The following CEP128 variants were observed in gnomAD, a reference collection of about 807,000 sequenced individuals.
CEP128 encodes centrosomal protein 128.
In CEP128, 132 loss-of-function variants were observed where a neutral mutation model predicts 156.7. That is an observed-to-expected ratio of 0.84 (90% CI 0.73 to 0.97). The LOEUF (loss-of-function observed/expected upper bound fraction) is 0.97, where lower values mean the gene tolerates loss of function less well. Ranked by LOEUF, CEP128 falls within the 50% of genes least tolerant of loss-of-function variation. The probability of loss-of-function intolerance (pLI) is 0.00; values close to 1 mark genes in which losing one functional copy is unlikely to be tolerated. For missense variants in CEP128, 1,252 were observed against 1,281.9 expected (o/e 0.98, Z 0.36); for synonymous variants, 469 against 448.9 (o/e 1.04, Z -0.57).
intron 19 of CEP128, among the ~76,000 whole-genome samples, chr14:80,611,100 A>G (rs1172295768): frequency 6.6e-6 from 1 of 152,124 alleles, no homozygotes; most frequent in African/African-American, 2.4e-5. Context: ...TAAATCTTTT[A>G]AAGTATCATT....
intron 19 of CEP128, among the ~76,000 whole-genome samples, chr14:80,629,515 AT>A (rs563182372): frequency 0.016 from 2,446 of 149,116 alleles, 43 homozygotes; most frequent in African/African-American, 0.045. Context: ...CCAGTAATAT[AT>A]TTTTTTTTTC....
At chr14:80,519,774 C>T (rs1457520967) in intron 23 of CEP128, among the ~76,000 whole-genome samples, 3 of 152,132 alleles carry the variant, frequency 2.0e-5, no homozygotes, top group Non-Finnish European at 4.4e-5. Flanking sequence ...ACCCATCTTT[C>T]CATCTACTCA....
chr14:80,904,873 A>C lies in CEP128; in HGVS notation c.420T>G (p.Ile140Met). 1 of 1,612,790 alleles carries C rather than the reference A, an allele frequency of 6.2e-7. No individual in the cohort carries two copies. The highest frequency in any genetic ancestry group is 8.5e-7 in the Non-Finnish European group (1 of 1,178,778). Residue 140 changes from isoleucine (I) to methionine (M), a missense_variant, in exon 6 of 25, where the codon ATT (isoleucine) becomes ATG (methionine). Coordinates refer to ENST00000555265, the MANE Select transcript of CEP128 (RefSeq NM_152446.5). The stretch of plus-strand genomic sequence containing the variant: ...CACCAGTTCTTGATCTCATTCGTTT[A>C]ATACCCTGTGGATCCCCATAGTCCT... ...PLKDYGDPQGIKRMRSRTGVR... is the reference protein window; with the variant it reads ...PLKDYGDPQGMKRMRSRTGVR...
At chr14:80,614,274 C>T (rs932874386) in intron 19 of CEP128, among the ~76,000 whole-genome samples, 1 of 152,122 alleles carries the variant, frequency 6.6e-6, no homozygotes, top group African/African-American at 2.4e-5. Context: ...TACATAACTT[C>T]CATATTGTTG....
At position 80,751,121 on chromosome 14, in the gene CEP128, C is replaced by T. The variant is rs1282535448; in HGVS notation, c.2613+5771G>A. The stretch of plus-strand genomic sequence containing the variant: ...GATCTTGAACTTACAGCCTCCAGAA[C>T]TGTGAGAAAATAAATTACTGTTCAA... On this transcript the variant is annotated intron_variant, in intron 18 of 24. Coordinates refer to ENST00000555265, the MANE Select transcript of CEP128 (RefSeq NM_152446.5). Among the ~76,000 whole-genome samples the T allele has an allele frequency of 6.6e-5, 10 of 152,294 alleles. No homozygotes were observed. The South Asian group carries it at 1.9e-3, about 28-fold the overall frequency.
At chr14:80,606,213 T>A (rs951601688) in intron 19 of CEP128, among the ~76,000 whole-genome samples, 4 of 152,174 alleles carry the variant, frequency 2.6e-5, no homozygotes, top group African/African-American at 9.6e-5. Context: ...ATTGTACAGC[T>A]TATCTTTAAA....
intron 2 of CEP128, chr14:80,955,419 C>G (rs985130400): frequency 2.2e-5 from 12 of 553,542 alleles, no homozygotes; most frequent in Non-Finnish European, 3.6e-5. Context: ...ACAGACGGAG[C>G]GGACTGCGTG....
chr14:80,593,026 A>G (rs1220384156), intron 19 of CEP128, among the ~76,000 whole-genome samples: 2 of 152,188 alleles, frequency 1.3e-5, no homozygotes, highest in Non-Finnish European at 2.9e-5. Flanking sequence ...ATTTATGACA[A>G]ACCCACAGAC....
At chr14:80,824,434 C>G (rs1885360690) in intron 13 of CEP128, among the ~76,000 whole-genome samples, 1 of 152,220 alleles carries the variant, frequency 6.6e-6, no homozygotes, top group Admixed American at 6.5e-5. Flanking sequence ...ATTCTCCATA[C>G]TTTTATGCTC....
At chr14:80,552,998 G>A (rs765087418) in intron 21 of CEP128, among the ~76,000 whole-genome samples, 4 of 151,466 alleles carry the variant, frequency 2.6e-5, no homozygotes, top group Non-Finnish European at 5.9e-5. Context: ...TCGGTTCCAG[G>A]GTTATGAAAA....
chr14:80,895,269 A>AAAAAAC (rs1889291564), intron 8 of CEP128, among the ~76,000 whole-genome samples: 1 of 152,138 alleles, frequency 6.6e-6, no homozygotes, highest in Admixed American at 6.6e-5. Flanking sequence ...ACAGACAGCA[A>AAAAAAC]AGAGGTCTTT....
chr14:80,938,840 A>T (rs1415406176), intron 2 of CEP128, among the ~76,000 whole-genome samples: 1 of 152,238 alleles, frequency 6.6e-6, no homozygotes, highest in Non-Finnish European at 1.5e-5. Flanking sequence ...AAAGAGATGA[A>T]TAACTGCACA....
intron 19 of CEP128, among the ~76,000 whole-genome samples, chr14:80,712,396 T>A (rs1897444537): frequency 6.6e-6 from 1 of 151,996 alleles, no homozygotes; most frequent in Non-Finnish European, 1.5e-5. Flanking sequence ...AAGCATTGAG[T>A]CCAGAAACAC....
chr14:80,869,855 A>G (rs1020818087), intron 8 of CEP128, among the ~76,000 whole-genome samples: 1 of 152,014 alleles, frequency 6.6e-6, no homozygotes, highest in African/African-American at 2.4e-5. Context: ...TGCTAGCTAG[A>G]CTGAATAAGG....
chr14:80,574,302 G>C (rs978197850), intron 20 of CEP128, among the ~76,000 whole-genome samples: 1 of 152,122 alleles, frequency 6.6e-6, no homozygotes, highest in Non-Finnish European at 1.5e-5. Flanking sequence ...AATTCCGAGG[G>C]AACTCTAAAA....
In CEP128 at chr14:80,785,360, C is replaced by G; in HGVS notation, c.1746G>C (p.Lys582Asn). The change falls in exon 15 of 25, where the codon AAG becomes AAC. Residue 582 changes from lysine (K) to asparagine (N), a missense_variant. Coordinates refer to ENST00000555265, the MANE Select transcript of CEP128 (RefSeq NM_152446.5). ...GTCTATGGATGGTATCCAGGGAATT[C>G]TTAACTTCCAATTCAAGGTCAGCTT... is the stretch of plus-strand genomic sequence containing the variant. ...SHQADLELEV[K>N]NSLDTIHRLE... 1.2e-6 allele frequency: 2 copies of G among 1,614,128 alleles called. No individual in the cohort carries two copies. The highest frequency in any genetic ancestry group is 1.7e-6 in the Non-Finnish European group (2 of 1,179,994).
At chr14:80,954,218 C>T (rs1366389511) in intron 2 of CEP128, among the ~76,000 whole-genome samples, 2 of 151,804 alleles carry the variant, frequency 1.3e-5, no homozygotes, top group Non-Finnish European at 2.9e-5. Context: ...TGCAGTGAGC[C>T]GAGATCGCGC....
chr14:80,517,218 T>A (rs1174792316), intron 23 of CEP128, among the ~76,000 whole-genome samples: 1 of 152,262 alleles, frequency 6.6e-6, no homozygotes, highest in East Asian at 1.9e-4. Flanking sequence ...ATTTATTTTT[T>A]AAATTTCATT....
intron 19 of CEP128, among the ~76,000 whole-genome samples, chr14:80,660,863 ATT>A (rs1291185352): frequency 4.6e-5 from 7 of 152,178 alleles, no homozygotes; most frequent in Non-Finnish European, 1.0e-4. Context: ...ACCCTGAGAC[ATT>A]CAGCAATATT....
Sources: allele counts gnomAD v4.1 joint callset (sites outside exome capture counted in the v4.1 genomes callset), GRCh38; gene constraint gnomAD v4.1.1; transcripts MANE v1.5; gene names NCBI Gene and HGNC (gene_info 2026-07-23, HGNC 2026-07-21).